IKZF2: variants seen among roughly 807,000 people sequenced by gnomAD.
IKZF2 encodes the protein zinc finger protein Helios.
Under a neutral mutation model 49.2 loss-of-function variants are expected in IKZF2, and 15 were observed. The observed-to-expected ratio is 0.30, with a 90% CI of 0.20 to 0.47. The LOEUF (loss-of-function observed/expected upper bound fraction) is 0.47, where lower values mean the gene tolerates loss of function less well. Among genes scored for constraint, IKZF2 ranks in the 20% least tolerant of loss-of-function variants. The probability of loss-of-function intolerance (pLI) is 1.00; values close to 1 mark genes in which losing one functional copy is unlikely to be tolerated. For missense variants in IKZF2, 567 were observed against 664.6 expected (o/e 0.85, Z 1.61); for synonymous variants, 227 against 221.4 (o/e 1.03, Z -0.23).
At chr2:213,116,738 C>T (rs916665163) in intron 4 of IKZF2, among the ~76,000 whole-genome samples, 2 of 152,098 alleles carry the variant, frequency 1.3e-5, no homozygotes, top group Admixed American at 1.3e-4. Flanking sequence ...GACCCTGTCT[C>T]ACACACAAAA....
At chr2:213,041,465 G>A (rs1465530392) in intron 6 of IKZF2, among the ~76,000 whole-genome samples, 7 of 151,984 alleles carry the variant, frequency 4.6e-5, no homozygotes, top group Non-Finnish European at 1.0e-4. Flanking sequence ...ATCACGCCCA[G>A]ATAATTTTTT....
At chr2:213,112,080 G>T (rs1266210161) in intron 4 of IKZF2, among the ~76,000 whole-genome samples, 1 of 152,056 alleles carries the variant, frequency 6.6e-6, no homozygotes, top group Non-Finnish European at 1.5e-5. Flanking sequence ...AGGTTGAGGA[G>T]CAGGTATAAA....
At chr2:213,099,007 T>C (rs74769558) in intron 4 of IKZF2, among the ~76,000 whole-genome samples, 5,456 of 152,286 alleles carry the variant, frequency 0.036, 170 homozygotes, top group African/African-American at 0.076. Flanking sequence ...CAAAGGTTAT[T>C]AGGCAGATGA....
chr2:213,064,020 A>G (rs66531832), intron 4 of IKZF2, among the ~76,000 whole-genome samples: 32,862 of 151,902 alleles, frequency 0.22, 4,175 homozygotes, highest in Non-Finnish European at 0.28. Context: ...ACTCAAAACA[A>G]CTACCTCATA....
chr2:213,074,834 C>T (rs1269488398), intron 4 of IKZF2, among the ~76,000 whole-genome samples: 1 of 152,040 alleles, frequency 6.6e-6, no homozygotes, highest in Non-Finnish European at 1.5e-5. Flanking sequence ...TTCATCAAAC[C>T]TTATTAATAT....
At chr2:213,144,363 TA>T (rs1162419312) in intron 4 of IKZF2, among the ~76,000 whole-genome samples, 1 of 151,686 alleles carries the variant, frequency 6.6e-6, no homozygotes, top group Non-Finnish European at 1.5e-5. Flanking sequence ...ATAAACATTA[TA>T]AAAAAATAGA....
intron 4 of IKZF2, among the ~76,000 whole-genome samples, chr2:213,094,515 C>G (rs867308960): frequency 6.6e-6 from 1 of 151,940 alleles, no homozygotes; most frequent in Non-Finnish European, 1.5e-5. Context: ...AATCTGAGAC[C>G]CCCCTAGCCT....
intron 4 of IKZF2, among the ~76,000 whole-genome samples, chr2:213,089,922 C>T (rs1014857576): frequency 6.6e-6 from 1 of 152,142 alleles, no homozygotes; most frequent in African/African-American, 2.4e-5. Context: ...AGAAATTGAT[C>T]AAGAGACACT....
In IKZF2 at chr2:213,079,249, C is replaced by T. The variant is rs374052725; in HGVS notation, c.140-22150G>A. 4.6e-5 allele frequency among the ~76,000 whole-genome samples: 7 copies of T among 151,944 alleles called. No individual in the cohort carries two copies. The East Asian group carries it at 1.2e-3, about 25-fold the overall frequency. ...TAAAATGTAGCCAGGTGTGGTAGTG[C>T]GTGTTTGTAGTCCCAACTACTTGGG... On this transcript the variant is annotated intron_variant, in intron 4 of 8. Coordinates refer to ENST00000434687, the MANE Select transcript of IKZF2 (RefSeq NM_001387220.1).
chr2:213,065,654 C>T (rs1419355449), intron 4 of IKZF2, among the ~76,000 whole-genome samples: 8 of 151,864 alleles, frequency 5.3e-5, no homozygotes, highest in Non-Finnish European at 7.4e-5. Flanking sequence ...CCATGAAGTA[C>T]GTAATTTTAT....
chr2:213,112,856 C>T lies in IKZF2; in HGVS notation c.139+34852G>A, dbSNP rs1315307486. Among the ~76,000 whole-genome samples, 4 of 151,992 alleles carry T rather than the reference C, an allele frequency of 2.6e-5. No individual in the cohort carries two copies. The East Asian group carries it at 5.8e-4, about 22-fold the overall frequency. ...CAGTTTTTCATCTATAACAGCGGGG[C>T]AATACTAGCATCTACCTCATAGGGT... is the stretch of plus-strand genomic sequence containing the variant. On this transcript the variant is annotated intron_variant, in intron 4 of 8. Transcript: ENST00000434687.
At chr2:213,053,919 G>A (rs1213010740) in intron 5 of IKZF2, among the ~76,000 whole-genome samples, 4 of 152,178 alleles carry the variant, frequency 2.6e-5, no homozygotes, top group Non-Finnish European at 5.9e-5. Context: ...CCATGATATT[G>A]TAATGAATTG....
intron 4 of IKZF2, among the ~76,000 whole-genome samples, chr2:213,092,111 G>A (rs1048638970): frequency 6.6e-6 from 1 of 151,942 alleles, no homozygotes; most frequent in Non-Finnish European, 1.5e-5. Flanking sequence ...CTGCAGCATC[G>A]ACTTCCTGGG....
intron 6 of IKZF2, among the ~76,000 whole-genome samples, chr2:213,039,607 G>T (rs1293424743): frequency 4.6e-5 from 7 of 151,960 alleles, no homozygotes; most frequent in African/African-American, 1.7e-4. Flanking sequence ...GAATAGTTTA[G>T]GCATATCAAC....
upstream of IKZF2, chr2:213,151,672 C>G (rs537664017): frequency 1.3e-5 from 2 of 150,284 alleles, no homozygotes; most frequent in African/African-American, 2.4e-5. Context: ...ACATCTCCCC[C>G]GCCGGCCGGG....
At chr2:213,037,404 G>A (rs1293921631) in intron 6 of IKZF2, among the ~76,000 whole-genome samples, 1 of 152,168 alleles carries the variant, frequency 6.6e-6, no homozygotes, top group Admixed American at 6.5e-5. Flanking sequence ...GATTGTATAT[G>A]CTATTAAAAG....
At chr2:213,120,882 G>A (rs771529684) in intron 4 of IKZF2, among the ~76,000 whole-genome samples, 1 of 152,002 alleles carries the variant, frequency 6.6e-6, no homozygotes, top group Admixed American at 6.6e-5. Context: ...CTGGGACTAC[G>A]GGTACGTGCC....
chr2:213,150,478 GTCC>G (rs376947145), intron 1 of IKZF2: 273 of 98,206 alleles, frequency 2.8e-3, no homozygotes, highest in South Asian at 7.6e-3. Context: ...CCTCCTCCTC[GTCC>G]TCCTCCTCCT....
intron 4 of IKZF2, among the ~76,000 whole-genome samples, chr2:213,146,393 C>T (rs551786420): frequency 6.6e-6 from 1 of 151,988 alleles, no homozygotes; most frequent in Non-Finnish European, 1.5e-5. Context: ...TTTTTTCTTT[C>T]TAAATGATAC....
Sources: gnomAD v4.1 joint callset for allele counts (sites outside exome capture counted in the v4.1 genomes callset) on GRCh38, gnomAD v4.1.1 for gene constraint, MANE v1.5 for transcripts, NCBI Gene and HGNC (gene_info 2026-07-23, HGNC 2026-07-21) for gene names.